RNU5E-1: variants seen among roughly 807,000 people sequenced by gnomAD.
RNU5E-1 encodes the protein RNA, U5E small nuclear 1, also known as RNA, U5E small nuclear.
chr1:11,908,234 A>C (rs892672974), exon 1 of RNU5E-1: 9 of 147,572 alleles, frequency 6.1e-5, no homozygotes, highest in African/African-American at 1.2e-4. Flanking sequence ...GTGAGTCTGA[A>C]ACCAATTTTT....
rs574592190 is a variant in RNU5E-1 at position 11,908,262 on chromosome 1, T to C, written n.111T>C. On this transcript the variant is annotated non_coding_transcript_exon_variant, in exon 1 of 1. Coordinates refer to ENST00000362477, the Ensembl canonical transcript of RNU5E-1. ...CAATTTTTTGAGGCCTTGCGTTTCTTAGCAGGGCTTATTTTAAGTGTTTTA... is the reference window on the plus strand; with the variant it reads ...CAATTTTTTGAGGCCTTGCGTTTCTCAGCAGGGCTTATTTTAAGTGTTTTA... 2.7e-4 allele frequency: 41 copies of C among 152,352 alleles called. No individual in the cohort carries two copies. The South Asian group carries it at 4.8e-3, about 18-fold the overall frequency. 9.4% of individuals were successfully genotyped at this position (152,352 alleles called of 1,614,324 possible).
At chr1:11,908,246 G>A (rs1400945446) in exon 1 of RNU5E-1, 10 of 137,806 alleles carry the variant, frequency 7.3e-5, no homozygotes, top group South Asian at 2.5e-4. Flanking sequence ...CCAATTTTTT[G>A]AGGCCTTGCG....
exon 1 of RNU5E-1, chr1:11,908,212 A>C (rs533715757): frequency 1.3e-5 from 2 of 152,110 alleles, no homozygotes; most frequent in African/African-American, 2.4e-5. Flanking sequence ...ATTTCCGTGG[A>C]GAGAAACGAG....
At chr1:11,908,170 A>G (rs191887382) in exon 1 of RNU5E-1, 3 of 152,158 alleles carry the variant, frequency 2.0e-5, no homozygotes, top group Non-Finnish European at 2.9e-5. Flanking sequence ...GTTTCTCTTC[A>G]AATCGTATAA....
At chr1:11,908,209 T>G (rs571838046) in exon 1 of RNU5E-1, 14 of 152,264 alleles carry the variant, frequency 9.2e-5, no homozygotes, top group South Asian at 6.2e-4. Flanking sequence ...AAGATTTCCG[T>G]GGAGAGAAAC....
exon 1 of RNU5E-1, chr1:11,908,182 T>G (rs944553736): frequency 6.6e-6 from 1 of 152,200 alleles, no homozygotes; most frequent in African/African-American, 2.4e-5. Flanking sequence ...ATCGTATAAA[T>G]CTTTCGCCTT....
exon 1 of RNU5E-1, chr1:11,908,260 C>G (rs182224852): frequency 3.0e-4 from 25 of 82,796 alleles, no homozygotes; most frequent in Non-Finnish European, 6.0e-4. Context: ...CCTTGCGTTT[C>G]TTAGCAGGGC....
exon 1 of RNU5E-1, chr1:11,908,254 G>A (rs558700688): frequency 9.7e-4 from 132 of 135,656 alleles, no homozygotes; most frequent in African/African-American, 3.0e-3. Flanking sequence ...TTGAGGCCTT[G>A]CGTTTCTTAG....
chr1:11,908,268 G>A (rs556865665), exon 1 of RNU5E-1: 16 of 152,216 alleles, frequency 1.1e-4, no homozygotes, highest in East Asian at 1.9e-4. Context: ...TTCTTAGCAG[G>A]GCTTATTTTA....
chr1:11,908,251 C>G (rs139529525), exon 1 of RNU5E-1: 7 of 135,546 alleles, frequency 5.2e-5, no homozygotes, highest in African/African-American at 1.2e-4. Flanking sequence ...TTTTTGAGGC[C>G]TTGCGTTTCT....
exon 1 of RNU5E-1, chr1:11,908,177 A>AT (rs1431079453): frequency 1.3e-5 from 2 of 152,182 alleles, no homozygotes; most frequent in Non-Finnish European, 2.9e-5. Flanking sequence ...TTCAAATCGT[A>AT]TAAATCTTTC....
At chr1:11,908,228 G>C (rs567266467) in exon 1 of RNU5E-1, 1 of 151,146 alleles carries the variant, frequency 6.6e-6, no homozygotes, top group Non-Finnish European at 1.5e-5. Flanking sequence ...ACGAGTGTGA[G>C]TCTGAAACCA....
exon 1 of RNU5E-1, chr1:11,908,219 C>T (rs549034717): frequency 2.7e-4 from 41 of 152,084 alleles, no homozygotes; most frequent in African/African-American, 8.2e-4. Flanking sequence ...TGGAGAGAAA[C>T]GAGTGTGAGT....
chr1:11,908,167 T>TA (rs1645392570), exon 1 of RNU5E-1: 1 of 152,204 alleles, frequency 6.6e-6, no homozygotes. Flanking sequence ...CTGGTTTCTC[T>TA]TCAAATCGTA....
chr1:11,908,259 T>TA (rs141968818), exon 1 of RNU5E-1: 44,514 of 152,030 alleles, frequency 0.29, 7,622 homozygotes, highest in East Asian at 0.46. Context: ...GCCTTGCGTT[T>TA]CTTAGCAGGG....
chr1:11,908,161 T>C (rs947431790), exon 1 of RNU5E-1: 2 of 152,254 alleles, frequency 1.3e-5, no homozygotes, highest in Non-Finnish European at 2.9e-5. Context: ...TATACTCTGG[T>C]TTCTCTTCAA....
exon 1 of RNU5E-1, chr1:11,908,223 T>A (rs748888039): frequency 3.3e-5 from 5 of 151,656 alleles, no homozygotes; most frequent in South Asian, 2.1e-4. Flanking sequence ...GAGAAACGAG[T>A]GTGAGTCTGA....
exon 1 of RNU5E-1, chr1:11,908,170 A>AC (rs747159966): frequency 5.3e-5 from 8 of 152,158 alleles, no homozygotes; most frequent in Non-Finnish European, 1.0e-4. Context: ...GTTTCTCTTC[A>AC]AATCGTATAA....
chr1:11,908,259 T>TACTTAGCAGGGCTTA, exon 1 of RNU5E-1: 1 of 152,104 alleles, frequency 6.6e-6, no homozygotes, highest in East Asian at 1.9e-4. Flanking sequence ...GCCTTGCGTT[T>TACTTAGCAGGGCTTA]CTTAGCAGGG....
Sources: gnomAD v4.1 joint callset for allele counts on GRCh38, gnomAD v4.1.1 for gene constraint, MANE v1.5 for transcripts, NCBI Gene and HGNC (gene_info 2026-07-23, HGNC 2026-07-21) for gene names.